Variants in PCDH9 observed in about 807,000 individuals in gnomAD.
PCDH9 encodes the protein protocadherin 9, also known as protocadherin-9.
In PCDH9, 24 loss-of-function variants were observed where a neutral mutation model predicts 70.6. The observed-to-expected ratio is 0.34, with a 90% CI of 0.25 to 0.48. PCDH9 has a LOEUF of 0.48. Among genes scored for constraint, PCDH9 ranks in the 20% least tolerant of loss-of-function variants. The pLI is 0.99. For missense variants in PCDH9, 1,281 were observed against 1,503.6 expected (o/e 0.85, Z 2.45); for synonymous variants, 562 against 558.5 (o/e 1.01, Z -0.09).
chr13:66,320,188 A>C (rs1955728192), intron 4 of PCDH9, among the ~76,000 whole-genome samples: 2 of 152,102 alleles, frequency 1.3e-5, no homozygotes, highest in Admixed American at 1.3e-4. Context: ...CAAAATAACT[A>C]ATCTAGTTTT....
At chr13:67,188,156 C>A (rs9529199) in intron 2 of PCDH9, among the ~76,000 whole-genome samples, 66,114 of 151,822 alleles carry the variant, frequency 0.44, 15,606 homozygotes, top group East Asian at 0.57. Flanking sequence ...TTGGAAAAAA[C>A]CTGTGTCATA....
intron 2 of PCDH9, among the ~76,000 whole-genome samples, chr13:67,193,008 T>G (rs1271063836): frequency 6.6e-6 from 1 of 152,134 alleles, no homozygotes; most frequent in Non-Finnish European, 1.5e-5. Flanking sequence ...CATCAACACC[T>G]AATTGCTTTT....
At chr13:66,933,828 A>G (rs2082857294) in intron 2 of PCDH9, among the ~76,000 whole-genome samples, 3 of 151,778 alleles carry the variant, frequency 2.0e-5, no homozygotes, top group Admixed American at 2.0e-4. Flanking sequence ...ACAGTTCAAA[A>G]CATGACATTT....
chr13:67,150,999 CAT>C (rs1198814041), intron 2 of PCDH9, among the ~76,000 whole-genome samples: 1 of 152,168 alleles, frequency 6.6e-6, no homozygotes, highest in Non-Finnish European at 1.5e-5. Context: ...TAGTCTTAAT[CAT>C]AAGACTAGAT....
chr13:67,119,376 A>C (rs1407275866), intron 2 of PCDH9, among the ~76,000 whole-genome samples: 1 of 152,168 alleles, frequency 6.6e-6, no homozygotes, highest in Non-Finnish European at 1.5e-5. Flanking sequence ...CTACCACTGC[A>C]TTAGTAAGTA....
chr13:66,559,996 G>T (rs1961936514), intron 4 of PCDH9, among the ~76,000 whole-genome samples: 2 of 151,500 alleles, frequency 1.3e-5, no homozygotes, highest in South Asian at 4.2e-4. Context: ...GATAATAACA[G>T]AAATTAAAAG....
chr13:66,316,467 T>C (rs1180968752), intron 4 of PCDH9, among the ~76,000 whole-genome samples: 1 of 152,190 alleles, frequency 6.6e-6, no homozygotes, highest in Non-Finnish European at 1.5e-5. Flanking sequence ...CAGAGCTTTC[T>C]AATCTCATAC....
chr13:66,787,539 C>A (rs2080099038), intron 3 of PCDH9, among the ~76,000 whole-genome samples: 1 of 151,824 alleles, frequency 6.6e-6, no homozygotes, highest in Non-Finnish European at 1.5e-5. Context: ...TTGCTTAAAC[C>A]CAGAGGACGG....
At chr13:67,209,034 C>A (rs950796866) in intron 2 of PCDH9, 1 of 152,126 alleles carries the variant, frequency 6.6e-6, no homozygotes, top group Admixed American at 6.6e-5. Flanking sequence ...TTGGCTACAA[C>A]ATCTGCTCTT....
chr13:67,074,703 T>G (rs1327631385), intron 2 of PCDH9, among the ~76,000 whole-genome samples: 1 of 152,020 alleles, frequency 6.6e-6, no homozygotes, highest in Non-Finnish European at 1.5e-5. Flanking sequence ...CAAGTAAAAA[T>G]AAGAAAAAAC....
At chr13:66,559,781 C>CCTGGG (rs1961914542) in intron 4 of PCDH9, among the ~76,000 whole-genome samples, 2 of 107,066 alleles carry the variant, frequency 1.9e-5, no homozygotes, top group Admixed American at 1.4e-4. Context: ...GCCTGGGAGA[C>CCTGGG]AGAGCAAGAC....
chr13:66,490,376 A>G (rs1959014628), intron 4 of PCDH9, among the ~76,000 whole-genome samples: 1 of 152,172 alleles, frequency 6.6e-6, no homozygotes, highest in Admixed American at 6.5e-5. Flanking sequence ...GGTCGGCTTC[A>G]TGTGGTGCTG....
chr13:67,211,865 A>C (rs576323366), intron 2 of PCDH9: 20 of 152,188 alleles, frequency 1.3e-4, no homozygotes, highest in South Asian at 1.2e-3. Context: ...TCTGTGGTAA[A>C]CATGTCCTTT....
intron 4 of PCDH9, among the ~76,000 whole-genome samples, chr13:66,599,514 T>C (rs2077140382): frequency 6.6e-6 from 1 of 151,790 alleles, no homozygotes; most frequent in African/African-American, 2.4e-5. Flanking sequence ...TATACATCAA[T>C]TAACAACTAT....
intron 3 of PCDH9, among the ~76,000 whole-genome samples, chr13:66,740,654 G>T (rs1282426710): frequency 1.3e-5 from 2 of 150,156 alleles, no homozygotes; most frequent in African/African-American, 4.9e-5. Flanking sequence ...AATGATAAAG[G>T]GGATATCACC....
intron 4 of PCDH9, among the ~76,000 whole-genome samples, chr13:66,322,912 T>C (rs565990183): frequency 6.6e-6 from 1 of 152,180 alleles, no homozygotes; most frequent in Non-Finnish European, 1.5e-5. Context: ...TTCTGGCTCT[T>C]TTAAAAAATT....
Position 66,843,428 on chromosome 13 carries a change from C to T in PCDH9, c.3138+60076G>A, listed in dbSNP as rs1295523616. On this transcript the variant is annotated intron_variant, in intron 3 of 4. Transcript: ENST00000377865. ...AATGCTCTGGTGAACACAGTCTAAA[C>T]TTATTAAAATTAAAATACAAAGGCC... Among the ~76,000 whole-genome samples, 4 of 152,214 alleles carry T rather than the reference C, an allele frequency of 2.6e-5. No homozygotes were observed. The South Asian group carries it at 8.3e-4, about 32-fold the overall frequency.
At chr13:66,438,667 C>G (rs1006087297) in intron 4 of PCDH9, among the ~76,000 whole-genome samples, 1 of 152,154 alleles carries the variant, frequency 6.6e-6, no homozygotes, top group Non-Finnish European at 1.5e-5. Flanking sequence ...CCAACCCATA[C>G]AAGCCCACAT....
chr13:66,570,994 C>G (rs535230640), intron 4 of PCDH9, among the ~76,000 whole-genome samples: 7 of 151,934 alleles, frequency 4.6e-5, no homozygotes, highest in African/African-American at 1.7e-4. Flanking sequence ...ATGAACTATT[C>G]AATAATAGAA....
Sources: gnomAD v4.1 joint callset for allele counts (sites outside exome capture counted in the v4.1 genomes callset) on GRCh38, gnomAD v4.1.1 for gene constraint, MANE v1.5 for transcripts, NCBI Gene and HGNC (gene_info 2026-07-23, HGNC 2026-07-21) for gene names.